Variants in FAM83E observed in about 807,000 individuals in gnomAD.
FAM83E encodes the protein protein FAM83E.
Under a neutral mutation model 34.3 loss-of-function variants are expected in FAM83E, and 29 were observed. The observed-to-expected ratio is 0.85, with a 90% CI of 0.63 to 1.15. The LOEUF is 1.15. Ranked by LOEUF, FAM83E falls within the 50% of genes most tolerant of loss-of-function variation. The pLI, the probability that FAM83E is intolerant of heterozygous loss-of-function variation, is 0.00. For synonymous variants in FAM83E, 312 were observed against 311.6 expected, an observed-to-expected ratio of 1.00 and a Z score of -0.01; for missense variants, 697 against 685.0, an observed-to-expected ratio of 1.02 and a Z score of -0.20.
intron 5 of FAM83E, among the ~76,000 whole-genome samples, chr19:48,609,383 C>A (rs772116165): frequency 3.5e-5 from 5 of 144,190 alleles, no homozygotes; most frequent in Non-Finnish European, 7.5e-5. Context: ...TCAAGCAATT[C>A]TCCTGCCTCA....
At chr19:48,610,111 G>T in intron 4 of FAM83E, 111 bp from the exon 5 acceptor site, 2 of 1,397,480 alleles carry the variant, frequency 1.4e-6, no homozygotes, top group Non-Finnish European at 1.9e-6. Flanking sequence ...AGAAGTATCT[G>T]TCCAAGGCCA....
In FAM83E at chr19:48,607,552, G is replaced by A. The variant is rs1378949895; in HGVS notation, c.758+2324C>T. 4.9e-4 allele frequency: 331 copies of A among 682,474 alleles called. 1 individual carries two copies. The highest frequency in any genetic ancestry group is 3.2e-5 in the Non-Finnish European group (13 of 402,124). 42.3% of individuals were successfully genotyped at this position (682,474 alleles called of 1,614,324 possible). A position where few individuals can be genotyped will look rare whatever the true frequency, so the allele number is the denominator to read the frequency against. Reference sequence around the variant, plus strand: ...GCCTGACTGAGCGGCAGGGGAGCACGGCCCGTGGGTTTGATTGTATTACTC... The same window carrying A: ...GCCTGACTGAGCGGCAGGGGAGCACAGCCCGTGGGTTTGATTGTATTACTC... On this transcript the variant is annotated intron_variant, in intron 5 of 6. Transcript: ENST00000263266.
At chr19:48,602,533 G>T (rs560953191) in intron 6 of FAM83E, among the ~76,000 whole-genome samples, 6 of 150,490 alleles carry the variant, frequency 4.0e-5, no homozygotes, top group Non-Finnish European at 5.9e-5. Context: ...TGCCAAGGGA[G>T]GGGATGCTGG....
chr19:48,613,614 G>A lies in FAM83E; in HGVS notation c.-242C>T, dbSNP rs1319893660. The A allele has an allele frequency of 1.4e-5, 19 of 1,366,340 alleles. No individual in the cohort carries two copies. In the East Asian group the frequency reaches 2.2e-4, roughly 16 times the overall value. 84.6% of individuals were successfully genotyped at this position (1,366,340 alleles called of 1,614,324 possible). ...CCAATGTGTCAGGCCACTCAGATCCGCCACCTGCCTGCACCCAGTGGCACC... is the reference window on the plus strand; with the variant it reads ...CCAATGTGTCAGGCCACTCAGATCCACCACCTGCCTGCACCCAGTGGCACC... On this transcript the variant is annotated 5_prime_UTR_variant, in exon 3 of 7. Transcript: ENST00000263266.
chr19:48,604,063 T>C, intron 5 of FAM83E, 152 bp from the exon 6 acceptor site: 3 of 726,722 alleles, frequency 4.1e-6, no homozygotes, highest in Non-Finnish European at 6.5e-6. Context: ...TGGGCACAAC[T>C]GAAGTACCTA....
chr19:48,604,749 C>T (rs1973894324), intron 5 of FAM83E, among the ~76,000 whole-genome samples: 2 of 147,142 alleles, frequency 1.4e-5, no homozygotes, highest in African/African-American at 5.0e-5. Context: ...AAGCCAGATG[C>T]GGTGGCTCAC....
intron 5 of FAM83E, among the ~76,000 whole-genome samples, chr19:48,608,388 C>T (rs571240514): frequency 7.3e-5 from 11 of 151,324 alleles, no homozygotes; most frequent in African/African-American, 2.2e-4. Context: ...GCTGGGACTA[C>T]AGACATGAAC....
rs772613150 is a variant in FAM83E at position 48,613,885 on chromosome 19, C to T, written c.-513G>A. 1.2e-3 allele frequency: 1,160 copies of T among 985,442 alleles called. 3 individuals carry two copies. The highest frequency in any genetic ancestry group is 1.3e-3 in the Non-Finnish European group (1,102 of 829,938). The allele number at this position is 985,442 out of a possible 1,614,324, so 61.0% of individuals were successfully genotyped here. ...GCCTGTCTCTAATCACCCAAAGGTC[C>T]TTAAAGGCACGACAGGTTGCCTGCC... is the stretch of plus-strand genomic sequence containing the variant. On this transcript the variant is annotated 5_prime_UTR_variant, in exon 3 of 7. Transcript: ENST00000263266.
rs750916208 is a variant in FAM83E at position 48,614,894 on chromosome 19, C to T, written c.-1388+43G>A. 6 of 699,268 alleles carry T rather than the reference C, an allele frequency of 8.6e-6. No individual in the cohort carries two copies. The African/African-American group carries it at 1.2e-4, about 14-fold the overall frequency. 43.3% of individuals were successfully genotyped at this position (699,268 alleles called of 1,614,324 possible). A position where few individuals can be genotyped will look rare whatever the true frequency, so the allele number is the denominator to read the frequency against. On this transcript the variant is annotated intron_variant, in intron 1 of 6. Transcript: ENST00000263266. ...TAAACACAGGAGGGCCCCCACAGGC[C>T]CCTGGAGGAGGTCCGGGGGTGCGGC...
rs1268707276 is a variant in FAM83E at position 48,614,062 on chromosome 19, GC to G, written c.-691del. 1 of 985,576 alleles carries G rather than the reference GC, an allele frequency of 1.0e-6. No homozygotes were observed. The highest frequency in any genetic ancestry group is 1.1e-4 in the East Asian group (1 of 8,836). The allele number at this position is 985,576 out of a possible 1,614,324, so 61.1% of individuals were successfully genotyped here. On this transcript the variant is annotated 5_prime_UTR_variant, in exon 3 of 7. Coordinates refer to ENST00000263266, the MANE Select transcript of FAM83E (RefSeq NM_017708.4). ...CCCCACGAGTTTCTCCTGCTCATCA[GC>G]TCTCACCCGCAGACCAGCCAGGATG...
In FAM83E at chr19:48,600,917, T is replaced by G; in HGVS notation, c.*192A>C. ...ACCCTCCCACCTTAGCCTCCCAAAGTGCAGGGATTACAGGCATGAGCCACC... is the reference window on the plus strand; with the variant it reads ...ACCCTCCCACCTTAGCCTCCCAAAGGGCAGGGATTACAGGCATGAGCCACC... On this transcript the variant is annotated 3_prime_UTR_variant, in exon 7 of 7. Coordinates refer to ENST00000263266, the MANE Select transcript of FAM83E (RefSeq NM_017708.4). 1.6e-6 allele frequency: 2 copies of G among 1,278,210 alleles called. No homozygotes were observed. The highest frequency in any genetic ancestry group is 2.0e-6 in the Non-Finnish European group (2 of 980,938). 79.2% of individuals were successfully genotyped at this position (1,278,210 alleles called of 1,614,324 possible). A position where few individuals can be genotyped will look rare whatever the true frequency, so the allele number is the denominator to read the frequency against.
At chr19:48,606,898 A>C (rs1973940041) in intron 5 of FAM83E, 6 of 1,515,090 alleles carry the variant, frequency 4.0e-6, no homozygotes, top group Admixed American at 2.0e-5. Flanking sequence ...AGGAGTCCTC[A>C]GAGGTCCTTC....
intron 5 of FAM83E, among the ~76,000 whole-genome samples, 184 bp downstream of exon 5, chr19:48,609,692 T>C (rs1214863904): frequency 1.3e-5 from 2 of 152,050 alleles, no homozygotes; most frequent in Admixed American, 1.3e-4. Flanking sequence ...CCAAGACCAC[T>C]AAACAGGCCA....
intron 5 of FAM83E, among the ~76,000 whole-genome samples, chr19:48,606,454 C>CT (rs35420535): frequency 2.0e-5 from 1 of 49,148 alleles, no homozygotes; most frequent in African/African-American, 2.0e-4. Context: ...GGATACATCA[C>CT]TTTCCCCAGC....
In FAM83E at chr19:48,613,873, C is replaced by T. The variant is rs1241723432; in HGVS notation, c.-501G>A. 13 of 985,432 alleles carry T rather than the reference C, an allele frequency of 1.3e-5. No homozygotes were observed. The highest frequency in any genetic ancestry group is 1.6e-5 in the Non-Finnish European group (13 of 829,918). 61.0% of individuals were successfully genotyped at this position (985,432 alleles called of 1,614,324 possible). A position where few individuals can be genotyped will look rare whatever the true frequency, so the allele number is the denominator to read the frequency against. ...GGCAAGCTGCCTGCCTGTCTCTAAT[C>T]ACCCAAAGGTCCTTAAAGGCACGAC... On this transcript the variant is annotated 5_prime_UTR_variant, in exon 3 of 7. An upstream open reading frame in the 5' UTR loses its in-frame stop. Transcript: ENST00000263266.
In FAM83E at chr19:48,610,778, G is replaced by T; in HGVS notation, c.535C>A (p.Arg179Ser). 2 of 1,589,530 alleles carry T rather than the reference G, an allele frequency of 1.3e-6. No individual in the cohort carries two copies. The highest frequency in any genetic ancestry group is 1.7e-6 in the Non-Finnish European group (2 of 1,168,154). ...LLLDLVDAAT[R>S]RWVPVYLLLD... ...AGCAGGTAGACAGGTACCCAGCGGC[G>T]CGTGGCAGCATCCACCAAGTCCAAA... is the stretch of plus-strand genomic sequence containing the variant. Residue 179 changes from arginine to serine, a missense_variant, in exon 4 of 7, where the codon CGC becomes AGC. By Grantham distance (110) the Arg-to-Ser change is moderately radical. Coordinates refer to ENST00000263266, the MANE Select transcript of FAM83E (RefSeq NM_017708.4).
In FAM83E at chr19:48,600,388, T is replaced by G. The variant is rs989554461; in HGVS notation, c.*721A>C. Among the ~76,000 whole-genome samples the G allele has an allele frequency of 6.6e-6, 1 of 152,156 alleles. No homozygotes were observed. Among genetic ancestry groups the G allele is most frequent in the Non-Finnish European group, 1.5e-5 (1 of 68,024 alleles). On this transcript the variant is annotated 3_prime_UTR_variant, in exon 7 of 7. Transcript: ENST00000263266. ...TCTCGCTCTGTCACCCAGGCTGGAG[T>G]GCAGTGGCGTGATCTCAGCTCACTG...
chr19:48,610,941 A>G, intron 3 of FAM83E, 94 bp from the exon 4 acceptor site: 1 of 1,302,204 alleles, frequency 7.7e-7, no homozygotes, highest in Non-Finnish European at 1.1e-6. Context: ...GGAATCTGGG[A>G]GTAAAGTGCT....
intron 5 of FAM83E, 53 bp from the exon 6 acceptor site, chr19:48,603,964 G>A (rs893608955): frequency 1.2e-4 from 190 of 1,551,988 alleles, no homozygotes; most frequent in Middle Eastern, 2.0e-4. Context: ...GGCCCAGCCC[G>A]GCCCCCATCC....
Sources: allele counts gnomAD v4.1 joint callset (sites outside exome capture counted in the v4.1 genomes callset), GRCh38; gene constraint gnomAD v4.1.1; transcripts MANE v1.5; gene names NCBI Gene and HGNC (gene_info 2026-07-23, HGNC 2026-07-21).